PSMA7: variants seen among roughly 807,000 people sequenced by gnomAD.
The protein encoded by PSMA7 is proteasome subunit alpha type-7.
A neutral mutation model predicts 31.3 loss-of-function variants in PSMA7; 5 were observed. The observed-to-expected ratio is 0.16, with a 90% CI of 0.08 to 0.34. The LOEUF is 0.34. Among genes scored for constraint, PSMA7 ranks in the 10% least tolerant of loss-of-function variants. The pLI is 1.00. For synonymous variants in PSMA7, 155 were observed against 121.9 expected (o/e 1.27, Z -1.79); for missense variants, 217 against 327.5 (o/e 0.66, Z 2.60).
rs752889836 is a variant in PSMA7, at chr20:62,138,168, T to C, written c.591+3A>G. On this transcript the variant is annotated splice_donor_region_variant and intron_variant, in intron 5 of 6. Transcript: ENST00000370873. ...CTTGCCTGGATTCCAAATGCAAACTTACTTCCAGGAGTGCCTTGATCACCA... is the reference window on the plus strand; with the variant it reads ...CTTGCCTGGATTCCAAATGCAAACTCACTTCCAGGAGTGCCTTGATCACCA... 1.2e-6 allele frequency: 2 copies of C among 1,614,206 alleles called. No individual in the cohort carries two copies. The highest frequency in any genetic ancestry group is 2.2e-5 in the South Asian group (2 of 91,090).
chr20:62,140,768 T>G (rs976092356), intron 2 of PSMA7, 50 bp downstream of exon 2: 3 of 1,603,364 alleles, frequency 1.9e-6, no homozygotes, highest in Admixed American at 3.4e-5. Context: ...AAAGCCCTAT[T>G]CTTCGCTGAG....
At chr20:62,140,973 G>A (rs1176947983) in intron 1 of PSMA7, 29 bp from the exon 2 acceptor site, 1 of 1,613,006 alleles carries the variant, frequency 6.2e-7, no homozygotes, top group Admixed American at 1.7e-5. Flanking sequence ...AACCACGTAA[G>A]AAAGTGATAT....
Position 62,143,384 on chromosome 20 carries a change from G to A in PSMA7, c.-81C>T, listed in dbSNP as rs1389758131. 12 of 797,788 alleles carry A rather than the reference G, an allele frequency of 1.5e-5. No individual in the cohort carries two copies. In the East Asian group the frequency reaches 2.8e-4, roughly 18 times the overall value. 49.4% of individuals were successfully genotyped at this position (797,788 alleles called of 1,614,324 possible). A position where few individuals can be genotyped will look rare whatever the true frequency, so the allele number is the denominator to read the frequency against. On this transcript the variant is annotated 5_prime_UTR_variant, in exon 1 of 7. Coordinates refer to ENST00000370873, the MANE Select transcript of PSMA7 (RefSeq NM_002792.4). Reference sequence around the variant, plus strand: ...CGGCCCGCGCGCACCCGCGACTCCCGGCGCCACTACGCCCGCGCCCCACCC... The same window carrying A: ...CGGCCCGCGCGCACCCGCGACTCCCAGCGCCACTACGCCCGCGCCCCACCC...
rs766284854 is a variant in PSMA7, at chr20:62,136,812, T to C, written c.*45A>G. The C allele has an allele frequency of 1.9e-6, 3 of 1,572,522 alleles. No individual in the cohort carries two copies. The highest frequency in any genetic ancestry group is 1.4e-5 in the African/African-American group (1 of 72,636). On this transcript the variant is annotated 3_prime_UTR_variant, in exon 7 of 7. Transcript: ENST00000370873. ...AGGCCTACACATCGAGACTCATCCA[T>C]GATTGATATGAATTTAAAAATTACA... is the stretch of plus-strand genomic sequence containing the variant.
At chr20:62,139,686 T>C in intron 3 of PSMA7, 95 bp downstream of exon 3, 1 of 1,587,928 alleles carries the variant, frequency 6.3e-7, no homozygotes, top group Non-Finnish European at 8.6e-7. Flanking sequence ...AAATCAGTTT[T>C]CTGATTCACC....
At chr20:62,137,098 T>G in intron 6 of PSMA7, 149 bp from the exon 7 acceptor site, 1 of 1,148,638 alleles carries the variant, frequency 8.7e-7, no homozygotes, top group Non-Finnish European at 1.2e-6. Flanking sequence ...GATGCTGGCC[T>G]GACCTAGACA....
Position 62,141,611 on chromosome 20 carries a change from C to T in PSMA7, c.97-667G>A, listed in dbSNP as rs187893561. ...TCCTTTCAACCCAATGAATCAGTCC[C>T]ATGCAAAGCCTGGAAGCCTGAGACT... is the stretch of plus-strand genomic sequence containing the variant. On this transcript the variant is annotated intron_variant, in intron 1 of 6. Coordinates refer to ENST00000370873, the MANE Select transcript of PSMA7 (RefSeq NM_002792.4). Among the ~76,000 whole-genome samples, 9 of 152,322 alleles carry T rather than the reference C, an allele frequency of 5.9e-5. No individual in the cohort carries two copies. The East Asian group carries it at 1.7e-3, about 29-fold the overall frequency.
chr20:62,137,082 CAAG>C (rs1025005101), intron 6 of PSMA7, 133 bp from the exon 7 acceptor site: 4 of 1,271,114 alleles, frequency 3.1e-6, no homozygotes, highest in Non-Finnish European at 3.3e-6. Flanking sequence ...TCAAGAAAAA[CAAG>C]AGGATGCTGG....
At chr20:62,139,357 C>T in intron 3 of PSMA7, 160 bp from the exon 4 acceptor site, 1 of 953,976 alleles carries the variant, frequency 1.0e-6, no homozygotes, top group East Asian at 2.7e-5. Context: ...TTTCAACATC[C>T]TTTTCTGCAT....
At chr20:62,137,091 G>T in intron 6 of PSMA7, 142 bp from the exon 7 acceptor site, 1 of 1,211,468 alleles carries the variant, frequency 8.3e-7, no homozygotes, top group Non-Finnish European at 1.2e-6. Flanking sequence ...ACAAGAGGAT[G>T]CTGGCCTGAC....
chr20:62,139,214 C>A lies in PSMA7; in HGVS notation c.349-17G>T, dbSNP rs778671558. On this transcript the variant is annotated splice_polypyrimidine_tract_variant and intron_variant, in intron 3 of 6. Coordinates refer to ENST00000370873, the MANE Select transcript of PSMA7 (RefSeq NM_002792.4). ...CGTATAACGCTAGCAAGAAAAGAAA[C>A]AGGTCAGTGCCATCCAATTAAGAAA... is the stretch of plus-strand genomic sequence containing the variant. 1 of 1,607,406 alleles carries A rather than the reference C, an allele frequency of 6.2e-7. No individual in the cohort carries two copies. The highest frequency in any genetic ancestry group is 1.3e-5 in the African/African-American group (1 of 74,666).
intron 5 of PSMA7, among the ~76,000 whole-genome samples, 184 bp downstream of exon 5, chr20:62,137,987 C>T (rs1300081879): frequency 6.6e-6 from 1 of 151,892 alleles, no homozygotes; most frequent in African/African-American, 2.4e-5. Flanking sequence ...TCACATCTTG[C>T]ATGGCTATTT....
rs376770840 is a variant in PSMA7, at chr20:62,141,342, G to C, written c.97-398C>G. On this transcript the variant is annotated intron_variant, in intron 1 of 6. Transcript: ENST00000370873. ...GGAGCAGATCTGAACCTGGGTCCTG[G>C]GGGGTACGTACTCCGGGTAGCAGCT... is the stretch of plus-strand genomic sequence containing the variant. Among the ~76,000 whole-genome samples the C allele has an allele frequency of 2.0e-5, 3 of 152,164 alleles. No homozygotes were observed. The East Asian group carries it at 5.8e-4, about 29-fold the overall frequency.
chr20:62,141,053 TA>T, intron 1 of PSMA7, 109 bp from the exon 2 acceptor site: 1 of 1,373,582 alleles, frequency 7.3e-7, no homozygotes, highest in South Asian at 1.3e-5. Context: ...GTGGATGACT[TA>T]AATTCAAGAG....
At chr20:62,138,353 A>G (rs2056907492) in intron 4 of PSMA7, 63 bp from the exon 5 acceptor site, 7 of 1,535,636 alleles carry the variant, frequency 4.6e-6, no homozygotes, top group African/African-American at 4.1e-5. Flanking sequence ...CAGCCCTGGA[A>G]CACAGCTGCC....
At chr20:62,139,309 A>G (rs2056913428) in intron 3 of PSMA7, 112 bp from the exon 4 acceptor site, 2 of 1,328,824 alleles carry the variant, frequency 1.5e-6, no homozygotes, top group Admixed American at 2.4e-5. Flanking sequence ...GCCCCTTCTC[A>G]GGTTATCAGC....
intron 1 of PSMA7, among the ~76,000 whole-genome samples, chr20:62,142,781 C>T (rs2056943128): frequency 6.6e-6 from 1 of 152,154 alleles, no homozygotes; most frequent in Admixed American, 6.5e-5. Flanking sequence ...CCCAGCCACC[C>T]GGCTGCGTGA....
At chr20:62,139,030 C>A in intron 4 of PSMA7, 45 bp downstream of exon 4, 5 of 1,602,514 alleles carry the variant, frequency 3.1e-6, no homozygotes, top group Admixed American at 1.7e-5. Context: ...CCCTCAAAGC[C>A]TTTTTCTGGC....
intron 4 of PSMA7, among the ~76,000 whole-genome samples, chr20:62,138,562 T>A (rs185167247): frequency 6.6e-6 from 1 of 152,060 alleles, no homozygotes; most frequent in Non-Finnish European, 1.5e-5. Context: ...TTTTTTTTTT[T>A]TTTTTTTTTG....
Sources: gnomAD v4.1 joint callset for allele counts (sites outside exome capture counted in the v4.1 genomes callset) on GRCh38, gnomAD v4.1.1 for gene constraint, MANE v1.5 for transcripts, NCBI Gene and HGNC (gene_info 2026-07-23, HGNC 2026-07-21) for gene names.